The following DISP1 variants were observed in gnomAD, a reference collection of about 807,000 sequenced individuals.
DISP1 encodes protein dispatched homolog 1.
In DISP1, 30 loss-of-function variants were observed where a neutral mutation model predicts 37.3. The observed-to-expected ratio is 0.80, with a 90% CI of 0.60 to 1.09. The LOEUF (loss-of-function observed/expected upper bound fraction) is 1.09. Among genes scored for constraint, DISP1 ranks in the 50% least tolerant of loss-of-function variants. The pLI is 0.00. For missense variants in DISP1, 1,598 were observed against 1,879.5 expected (o/e 0.85, Z 2.77); for synonymous variants, 634 against 690.2 (o/e 0.92, Z 1.28).
At chr1:222,957,151 A>G (rs1209497986) in intron 3 of DISP1, among the ~76,000 whole-genome samples, 1 of 150,840 alleles carries the variant, frequency 6.6e-6, no homozygotes, top group Non-Finnish European at 1.5e-5. Flanking sequence ...ATTGTAAAAA[A>G]AAAAAAAAAA....
At chr1:222,959,230 TA>T (rs1675843217) in intron 3 of DISP1, among the ~76,000 whole-genome samples, 1 of 152,194 alleles carries the variant, frequency 6.6e-6, no homozygotes, top group Non-Finnish European at 1.5e-5. Context: ...TTTAATGGCA[TA>T]AAATTGCAAT....
At chr1:222,941,049 A>G (rs564331494) in intron 2 of DISP1, among the ~76,000 whole-genome samples, 7 of 152,182 alleles carry the variant, frequency 4.6e-5, no homozygotes, top group Non-Finnish European at 1.0e-4. Flanking sequence ...TGTTAACAAC[A>G]AAAGGGAGGT....
At chr1:222,986,254 A>G (rs1457922990) in intron 4 of DISP1, among the ~76,000 whole-genome samples, 1 of 152,112 alleles carries the variant, frequency 6.6e-6, no homozygotes, top group Admixed American at 6.6e-5. Flanking sequence ...CTTTCTGCTC[A>G]GAGGGAAGAG....
intron 1 of DISP1, among the ~76,000 whole-genome samples, chr1:222,878,345 A>G (rs1240559371): frequency 6.6e-6 from 1 of 152,144 alleles, no homozygotes; most frequent in Non-Finnish European, 1.5e-5. Context: ...AAAATATGAG[A>G]TCTTGTTGTA....
intron 2 of DISP1, among the ~76,000 whole-genome samples, chr1:222,934,448 C>A (rs569502141): frequency 5.7e-4 from 86 of 152,186 alleles, no homozygotes; most frequent in African/African-American, 1.9e-3. Flanking sequence ...CACTATAGTT[C>A]TTTATCAATT....
chr1:222,854,729 T>C (rs1668458248), intron 1 of DISP1, among the ~76,000 whole-genome samples: 1 of 151,992 alleles, frequency 6.6e-6, no homozygotes, highest in Non-Finnish European at 1.5e-5. Flanking sequence ...TGAGCCTAAA[T>C]TTTCAGTGTT....
intron 8 of DISP1, among the ~76,000 whole-genome samples, chr1:223,001,211 G>T (rs1161857648): frequency 6.6e-6 from 1 of 152,164 alleles, no homozygotes; most frequent in Non-Finnish European, 1.5e-5. Context: ...ATGAAATACT[G>T]TCCACACCAA....
rs181891393 is a variant in DISP1 at position 222,886,129 on chromosome 1, C to T, written c.-158-42301C>T. Among the ~76,000 whole-genome samples the T allele has an allele frequency of 8.5e-5, 13 of 152,278 alleles. No homozygotes were observed. The East Asian group carries it at 1.3e-3, about 16-fold the overall frequency. ...GGGGATGAGGGAAAAGACCTTTCAG[C>T]GACACGTTTCCAACTCAGATAATGG... On this transcript the variant is annotated intron_variant, in intron 1 of 8. Coordinates refer to ENST00000675850, the MANE Select transcript of DISP1 (RefSeq NM_001377229.1).
chr1:222,989,804 T>G (rs1572710952), intron 4 of DISP1, among the ~76,000 whole-genome samples: 1 of 39,114 alleles, frequency 2.6e-5, no homozygotes, highest in Admixed American at 4.8e-4. Flanking sequence ...GTGTTTAGTT[T>G]AGTTTTTTTT....
intron 1 of DISP1, among the ~76,000 whole-genome samples, chr1:222,914,651 A>G (rs1358737941): frequency 7.2e-6 from 1 of 138,076 alleles, no homozygotes; most frequent in Non-Finnish European, 1.6e-5. Flanking sequence ...GGCAATGTCA[A>G]AAGGTGTAAA....
chr1:222,874,073 C>A (rs538495105), intron 1 of DISP1, among the ~76,000 whole-genome samples: 10 of 152,278 alleles, frequency 6.6e-5, no homozygotes, highest in African/African-American at 2.2e-4. Context: ...GTTGAAAATT[C>A]TTTTCTTTAA....
At chr1:222,948,294 GC>G (rs1479361145) in intron 3 of DISP1, among the ~76,000 whole-genome samples, 1 of 152,212 alleles carries the variant, frequency 6.6e-6, no homozygotes, top group Admixed American at 6.5e-5. Context: ...TTTGACTCAG[GC>G]CAGCAGGTAT....
chr1:222,906,934 T>G (rs143092026), intron 1 of DISP1, among the ~76,000 whole-genome samples: 21 of 152,338 alleles, frequency 1.4e-4, no homozygotes, highest in Admixed American at 1.4e-3. Flanking sequence ...AACAAAGTAA[T>G]GAGGTGTTCG....
At chr1:222,950,010 A>G (rs1675092986) in intron 3 of DISP1, among the ~76,000 whole-genome samples, 2 of 152,226 alleles carry the variant, frequency 1.3e-5, no homozygotes, top group Non-Finnish European at 2.9e-5. Flanking sequence ...AACCTAGCTG[A>G]TCATCTTTGG....
chr1:223,003,644 A>T lies in DISP1; in HGVS notation c.2247A>T (p.Leu749Phe). ...NPKMKLPSLE[L>F]SEFQVFRSSH... ...AGATGAAACTGCCCTCACTGGAGTT[A>T]TCCGAGTTCCAGGTGTTCCGGTCGT... The change falls in exon 9 of 9, where the codon TTA (leucine) becomes TTT (phenylalanine). Residue 749 changes from leucine (L) to phenylalanine (F), a missense_variant. Physicochemically the swap from Leu to Phe is conservative, Grantham distance 22 (BLOSUM62 0). Coordinates refer to ENST00000675850, the MANE Select transcript of DISP1 (RefSeq NM_001377229.1). This position sits in a 1 kb window ranked among gnomAD's most constrained non-coding sequence, Gnocchi z 4.3. 6.2e-7 allele frequency: 1 copy of T among 1,614,200 alleles called. No homozygotes were observed. The highest frequency in any genetic ancestry group is 8.5e-7 in the Non-Finnish European group (1 of 1,180,040).
intron 1 of DISP1, among the ~76,000 whole-genome samples, chr1:222,840,214 T>A (rs1042258203): frequency 6.6e-6 from 1 of 152,096 alleles, no homozygotes; most frequent in Admixed American, 6.5e-5. Context: ...ACTGTATAAA[T>A]TTAATCTCCC....
At chr1:222,936,822 A>AAAT (rs1673845525) in intron 2 of DISP1, among the ~76,000 whole-genome samples, 2 of 41,366 alleles carry the variant, frequency 4.8e-5, no homozygotes, top group African/African-American at 1.8e-4. Flanking sequence ...ATTATATATA[A>AAAT]TATATATAAA....
rs148493733 is a variant in DISP1 at position 223,003,056 on chromosome 1, A to G, written c.1659A>G (p.Glu553=). 57 of 1,613,828 alleles carry G rather than the reference A, an allele frequency of 3.5e-5. No individual in the cohort carries two copies. The highest frequency in any genetic ancestry group is 2.8e-4 in the African/African-American group (21 of 74,840). ...TCTATCGTGTAGTATTTCACTTCGA[A>G]TTTTTTCCTTTTATGAACCTCACTG... ...YFLYRVVFHF[E]FFPFMNLTAL... Residue 553 remains glutamate (E), a synonymous_variant, in exon 9 of 9, where the codon GAA becomes GAG. Transcript: ENST00000675850. The surrounding 1 kb of genome is among the most constrained non-coding windows in gnomAD (Gnocchi z 4.3).
In DISP1 at chr1:222,902,939, TC is replaced by T. The variant is rs1461048332; in HGVS notation, c.-158-25488del. On this transcript the variant is annotated intron_variant, in intron 1 of 8. Coordinates refer to ENST00000675850, the MANE Select transcript of DISP1 (RefSeq NM_001377229.1). ...CTAGAAATACCATTTGACCCAGCCA[TC>T]CCATTACTGGGTATATACCCAAAGG... 3.3e-5 allele frequency among the ~76,000 whole-genome samples: 5 copies of T among 151,778 alleles called. No individual in the cohort carries two copies. The South Asian group carries it at 8.3e-4, about 25-fold the overall frequency.
Sources: allele counts gnomAD v4.1 joint callset (sites outside exome capture counted in the v4.1 genomes callset), GRCh38; gene constraint gnomAD v4.1.1; non-coding constraint Gnocchi (gnomAD v3.1); transcripts MANE v1.5; gene names NCBI Gene and HGNC (gene_info 2026-07-23, HGNC 2026-07-21).